Variants in AGBL4 observed in about 807,000 individuals in gnomAD.
The protein encoded by AGBL4 is AGBL carboxypeptidase 4.
A neutral mutation model predicts 66.4 loss-of-function variants in AGBL4; 58 were observed. That is an observed-to-expected ratio of 0.87 (90% confidence interval 0.71 to 1.09). The LOEUF (loss-of-function observed/expected upper bound fraction) is 1.09. Ranked by LOEUF, AGBL4 falls within the 50% of genes least tolerant of loss-of-function variation. The pLI is 0.00. For synonymous variants in AGBL4, 234 were observed against 222.9 expected, an observed-to-expected ratio of 1.05 and a Z score of -0.44; for missense variants, 579 against 631.0, an observed-to-expected ratio of 0.92 and a Z score of 0.88.
intron 1 of AGBL4, among the ~76,000 whole-genome samples, chr1:49,877,859 G>T (rs1448972037): frequency 6.6e-6 from 1 of 151,910 alleles, no homozygotes; most frequent in Non-Finnish European, 1.5e-5. Flanking sequence ...TCTATTCAGA[G>T]ATTCAACTTC....
intron 3 of AGBL4, among the ~76,000 whole-genome samples, chr1:49,573,815 G>C (rs1644382010): frequency 6.6e-6 from 1 of 152,118 alleles, no homozygotes; most frequent in South Asian, 2.1e-4. Flanking sequence ...ACTTAGAATG[G>C]GGATGTGTGG....
intron 1 of AGBL4, among the ~76,000 whole-genome samples, chr1:49,898,802 C>T (rs1649472724): frequency 6.6e-6 from 1 of 152,100 alleles, no homozygotes; most frequent in Admixed American, 6.6e-5. Context: ...AGAATGAGAT[C>T]CTGTCATTTG....
chr1:48,597,799 AAGAGAAAGAAAGAG>A (rs149592274), intron 9 of AGBL4, among the ~76,000 whole-genome samples: 2,018 of 149,458 alleles, frequency 0.014, 42 homozygotes, highest in African/African-American at 0.045. Context: ...GAAGGGAAGA[AAGAGAAAGAAAGAG>A]AGAGAAAGAA....
rs745772850 is a variant in AGBL4 at position 49,971,907 on chromosome 1, GTT to G, written c.34+51854_34+51855del. On this transcript the variant is annotated intron_variant, in intron 1 of 13. Transcript: ENST00000371839. ...AAGTACAAGTGCAGGGTTTTTTTGG[GTT>G]TTTTTTTTTTTTTTTTTTTTTTTGC... 3.1e-3 allele frequency among the ~76,000 whole-genome samples: 73 copies of G among 23,434 alleles called. 1 individual carries two copies. Among genetic ancestry groups the G allele is most frequent in the African/African-American group, 7.5e-3 (56 of 7,432 alleles). 15.4% of individuals were successfully genotyped at this position (23,434 alleles called of 152,430 possible).
intron 2 of AGBL4, among the ~76,000 whole-genome samples, chr1:49,749,783 T>C (rs1571479683): frequency 6.6e-6 from 1 of 152,262 alleles, no homozygotes; most frequent in Non-Finnish European, 1.5e-5. Flanking sequence ...TTCTCCCCAA[T>C]GTGTGTATGT....
chr1:49,514,407 A>C (rs1049720939), intron 3 of AGBL4, among the ~76,000 whole-genome samples: 1 of 152,040 alleles, frequency 6.6e-6, no homozygotes, highest in East Asian at 1.9e-4. Flanking sequence ...AAATGGAAGA[A>C]CATTCCATGC....
At chr1:48,535,160 G>A (rs1643948805) in intron 12 of AGBL4, among the ~76,000 whole-genome samples, 1 of 152,128 alleles carries the variant, frequency 6.6e-6, no homozygotes, top group Admixed American at 6.5e-5. Context: ...GACAGTGAAT[G>A]TGCAGAAGGA....
At chr1:48,573,108 T>G (rs1210815161) in intron 11 of AGBL4, among the ~76,000 whole-genome samples, 1 of 152,322 alleles carries the variant, frequency 6.6e-6, no homozygotes, top group East Asian at 1.9e-4. Context: ...CCCTTCCCTA[T>G]TCTAGATCTT....
At chr1:49,637,345 G>A (rs1390005789) in intron 3 of AGBL4, among the ~76,000 whole-genome samples, 1 of 151,776 alleles carries the variant, frequency 6.6e-6, no homozygotes, top group Non-Finnish European at 1.5e-5. Context: ...CTGTCACCCA[G>A]GCTGGAGTGC....
chr1:49,365,685 T>C (rs1644229166), intron 3 of AGBL4, among the ~76,000 whole-genome samples: 1 of 152,086 alleles, frequency 6.6e-6, no homozygotes, highest in African/African-American at 2.4e-5. Context: ...ATAATTATGA[T>C]TTTTCAATAC....
intron 5 of AGBL4, among the ~76,000 whole-genome samples, chr1:49,010,203 A>G (rs1662276873): frequency 6.7e-6 from 1 of 150,328 alleles, no homozygotes; most frequent in East Asian, 2.0e-4. Context: ...AAATCAATGT[A>G]CAAAAATCAC....
chr1:49,657,491 G>T (rs1646167167), intron 3 of AGBL4, among the ~76,000 whole-genome samples: 2 of 152,074 alleles, frequency 1.3e-5, no homozygotes, highest in Admixed American at 6.6e-5. Context: ...TTTCTTCACA[G>T]AATTGGAAAA....
At chr1:48,897,766 T>C (rs1030973237) in intron 5 of AGBL4, among the ~76,000 whole-genome samples, 2 of 152,084 alleles carry the variant, frequency 1.3e-5, no homozygotes, top group Non-Finnish European at 2.9e-5. Context: ...GCCATTTTTA[T>C]GTCTTCCTTT....
chr1:49,822,147 G>A (rs1645385523), intron 2 of AGBL4, among the ~76,000 whole-genome samples: 1 of 152,074 alleles, frequency 6.6e-6, no homozygotes, highest in South Asian at 2.1e-4. Context: ...AAAAAATTGG[G>A]GGGGTTTTAT....
At chr1:49,448,580 G>A (rs368394888) in intron 3 of AGBL4, among the ~76,000 whole-genome samples, 1 of 152,158 alleles carries the variant, frequency 6.6e-6, no homozygotes, top group Non-Finnish European at 1.5e-5. Flanking sequence ...AAATCTCTGT[G>A]TTAGGAGGGG....
chr1:49,458,465 G>A (rs181595100), intron 3 of AGBL4, among the ~76,000 whole-genome samples: 2 of 151,522 alleles, frequency 1.3e-5, no homozygotes, highest in Admixed American at 6.6e-5. Flanking sequence ...GAGTCTTTAG[G>A]ATTTTCTAGG....
chr1:49,869,959 T>C (rs529209194), intron 1 of AGBL4, among the ~76,000 whole-genome samples: 52 of 152,238 alleles, frequency 3.4e-4, no homozygotes, highest in African/African-American at 9.6e-4. Flanking sequence ...AAAGAAGATC[T>C]AGAATGTTCC....
chr1:49,936,408 A>G (rs1386752577), intron 1 of AGBL4, among the ~76,000 whole-genome samples: 7 of 152,176 alleles, frequency 4.6e-5, no homozygotes, highest in Non-Finnish European at 7.3e-5. Flanking sequence ...GTTGGAAAAC[A>G]CTCTGCAGGA....
intron 1 of AGBL4, among the ~76,000 whole-genome samples, chr1:49,930,987 T>C (rs1653290062): frequency 2.0e-5 from 3 of 152,124 alleles, no homozygotes; most frequent in Non-Finnish European, 4.4e-5. Context: ...GATGACATGA[T>C]TGCCTATGTA....
Sources: allele counts gnomAD v4.1 joint callset (sites outside exome capture counted in the v4.1 genomes callset), GRCh38; gene constraint gnomAD v4.1.1; transcripts MANE v1.5; gene names NCBI Gene and HGNC (gene_info 2026-07-23, HGNC 2026-07-21).